ELOVL5: variants seen among roughly 807,000 people sequenced by gnomAD.
ELOVL5 encodes the protein very long chain fatty acid elongase 5.
ELOVL5 carries 8 observed loss-of-function variants against 38.6 expected under a neutral mutation model. The ratio of observed to expected loss-of-function variants is 0.21; its 90% CI spans 0.12 to 0.37. ELOVL5 has a LOEUF of 0.37. ELOVL5 is among the 10% of genes least tolerant of loss of function. The probability of loss-of-function intolerance (pLI) is 1.00; values close to 1 mark genes in which losing one functional copy is unlikely to be tolerated. For missense variants in ELOVL5, 280 were observed against 367.8 expected, an observed-to-expected ratio of 0.76 and a Z score of 1.95; for synonymous variants, 127 against 133.7, an observed-to-expected ratio of 0.95 and a Z score of 0.34.
intron 3 of ELOVL5, among the ~76,000 whole-genome samples, chr6:53,284,800 T>TC (rs397955018): frequency 6.6e-6 from 1 of 152,062 alleles, no homozygotes; most frequent in African/African-American, 2.4e-5. Context: ...TCAAATTTTT[T>TC]CACTATTATT....
chr6:53,332,867 A>G (rs1161149533), intron 1 of ELOVL5, among the ~76,000 whole-genome samples: 1 of 152,210 alleles, frequency 6.6e-6, no homozygotes, highest in Non-Finnish European at 1.5e-5. Context: ...ACCCTCCCCA[A>G]AAGGGTACAG....
intron 3 of ELOVL5, among the ~76,000 whole-genome samples, chr6:53,284,794 A>G (rs1169473029): frequency 6.6e-6 from 1 of 151,812 alleles, no homozygotes; most frequent in African/African-American, 2.4e-5. Flanking sequence ...AATATTTCAA[A>G]TTTTTTCACT....
intron 1 of ELOVL5, among the ~76,000 whole-genome samples, chr6:53,330,387 A>G (rs613920): frequency 4.6e-5 from 7 of 152,172 alleles, no homozygotes; most frequent in Admixed American, 6.5e-5. Flanking sequence ...ATTACTGCAC[A>G]CTGTAGACAT....
chr6:53,344,832 A>G (rs1277558771), intron 1 of ELOVL5, among the ~76,000 whole-genome samples: 1 of 152,164 alleles, frequency 6.6e-6, no homozygotes, highest in Non-Finnish European at 1.5e-5. Context: ...CTTACTCTCC[A>G]AACTCCCTCT....
intron 7 of ELOVL5, among the ~76,000 whole-genome samples, chr6:53,269,932 T>C (rs899428836): frequency 1.3e-5 from 2 of 152,198 alleles, no homozygotes; most frequent in Non-Finnish European, 2.9e-5. Flanking sequence ...CCTCTGCCCT[T>C]GCTCCTGACC....
intron 1 of ELOVL5, among the ~76,000 whole-genome samples, chr6:53,342,882 T>C (rs1004914066): frequency 1.3e-5 from 2 of 152,178 alleles, no homozygotes; most frequent in African/African-American, 4.8e-5. Context: ...AGTGGGAATT[T>C]AGTCTTTCTA....
chr6:53,294,365 T>A, intron 2 of ELOVL5: 1 of 1,568,774 alleles, frequency 6.4e-7, no homozygotes, highest in Non-Finnish European at 8.6e-7. Flanking sequence ...AACAACTTCT[T>A]TATGCTTAAA....
intron 3 of ELOVL5, among the ~76,000 whole-genome samples, chr6:53,279,063 T>C (rs1766257627): frequency 6.6e-6 from 1 of 152,188 alleles, no homozygotes; most frequent in Non-Finnish European, 1.5e-5. Context: ...GTTTGGGCAT[T>C]AGCCCATTAA....
Position 53,324,672 on chromosome 6 carries a change from CAAAAA to C in ELOVL5, c.-9+24140_-9+24144del, listed in dbSNP as rs200304234. On this transcript the variant is annotated intron_variant, in intron 1 of 7. Coordinates refer to ENST00000304434, the MANE Select transcript of ELOVL5 (RefSeq NM_021814.5). ...CCTGGTGACAAGAGGGAGATCCTGT[CAAAAA>C]AAAAAAAAAAAAAAGGAAAAGAAAT... is the stretch of plus-strand genomic sequence containing the variant. Among the ~76,000 whole-genome samples, 92 of 80,356 alleles carry C rather than the reference CAAAAA, an allele frequency of 1.1e-3. 1 individual carries two copies. Among genetic ancestry groups the C allele is most frequent in the African/African-American group, 1.6e-3 (20 of 12,358 alleles). 52.7% of individuals were successfully genotyped at this position (80,356 alleles called of 152,430 possible).
rs2294857 is a variant in ELOVL5 at position 53,294,292 on chromosome 6, G to T, written c.58+1350C>A. 0.062 allele frequency: 96,690 copies of T among 1,565,874 alleles called. 4,895 individuals are homozygous for T. The highest frequency in any genetic ancestry group is 0.29 in the Admixed American group (14,944 of 52,414). ...CCCTCTGGTGGCTGGTTCAGGCAGG[G>T]GCATGTGAAGCAATTGTGGCCAGTG... is the stretch of plus-strand genomic sequence containing the variant. On this transcript the variant is annotated intron_variant, in intron 2 of 7. Coordinates refer to ENST00000304434, the MANE Select transcript of ELOVL5 (RefSeq NM_021814.5).
intron 3 of ELOVL5, among the ~76,000 whole-genome samples, chr6:53,284,005 T>TAA (rs569206590): frequency 2.1e-5 from 3 of 140,916 alleles, no homozygotes; most frequent in Non-Finnish European, 3.1e-5. Flanking sequence ...TTTAGGACCT[T>TAA]AAAAAAAAAA....
chr6:53,342,030 C>T (rs114011641), intron 1 of ELOVL5, among the ~76,000 whole-genome samples: 1 of 152,180 alleles, frequency 6.6e-6, no homozygotes, highest in Non-Finnish European at 1.5e-5. Flanking sequence ...CAATCTGCTT[C>T]CCACAGCTGT....
At chr6:53,300,440 C>A (rs189904510) in intron 1 of ELOVL5, among the ~76,000 whole-genome samples, 132 of 151,014 alleles carry the variant, frequency 8.7e-4, no homozygotes, top group African/African-American at 3.2e-3. Context: ...AACACACGTA[C>A]AATACGATAT....
At chr6:53,311,008 A>G (rs1281027889) in intron 1 of ELOVL5, among the ~76,000 whole-genome samples, 1 of 152,212 alleles carries the variant, frequency 6.6e-6, no homozygotes, top group Non-Finnish European at 1.5e-5. Context: ...TCCACAAACG[A>G]CACTGGTAAC....
At chr6:53,295,521 A>G (rs1766957305) in intron 2 of ELOVL5, 121 bp downstream of exon 2, 3 of 699,114 alleles carry the variant, frequency 4.3e-6, no homozygotes, top group Non-Finnish European at 7.1e-6. Flanking sequence ...TCCAGGATAA[A>G]GTTTTAGACT....
intron 1 of ELOVL5, among the ~76,000 whole-genome samples, chr6:53,321,269 G>T (rs958317409): frequency 1.3e-5 from 2 of 152,138 alleles, no homozygotes; most frequent in Non-Finnish European, 2.9e-5. Context: ...CCACAAGCAG[G>T]GTCAGTCCTG....
chr6:53,294,540 A>G (rs1335102994), intron 2 of ELOVL5: 1 of 1,514,840 alleles, frequency 6.6e-7, no homozygotes, highest in South Asian at 1.2e-5. Context: ...CCTTGGTTAC[A>G]TCATACAGTC....
At chr6:53,314,771 C>T (rs1561882983) in intron 1 of ELOVL5, among the ~76,000 whole-genome samples, 1 of 152,116 alleles carries the variant, frequency 6.6e-6, no homozygotes, top group Non-Finnish European at 1.5e-5. Flanking sequence ...AACACACACC[C>T]ACCCTTGAAA....
chr6:53,300,753 C>T (rs2127577883), intron 1 of ELOVL5, among the ~76,000 whole-genome samples: 1 of 152,256 alleles, frequency 6.6e-6, no homozygotes, highest in South Asian at 2.1e-4. Context: ...GGTGCCCAGG[C>T]CTTGCTCAGC....
Sources: allele counts gnomAD v4.1 joint callset (sites outside exome capture counted in the v4.1 genomes callset), GRCh38; gene constraint gnomAD v4.1.1; transcripts MANE v1.5; gene names NCBI Gene and HGNC (gene_info 2026-07-23, HGNC 2026-07-21).